NAALADL2: variants seen among roughly 807,000 people sequenced by gnomAD.
The protein encoded by NAALADL2 is inactive N-acetylated-alpha-linked acidic dipeptidase-like protein 2.
NAALADL2 carries 76 observed loss-of-function variants against 87.2 expected under a neutral mutation model. That is an observed-to-expected ratio of 0.87 (90% CI 0.72 to 1.05). The LOEUF (loss-of-function observed/expected upper bound fraction) is 1.05, where lower values mean the gene tolerates loss of function less well. Ranked by LOEUF, NAALADL2 falls within the 50% of genes least tolerant of loss-of-function variation. NAALADL2 has a pLI of 0.00. For synonymous variants in NAALADL2, 354 were observed against 331.0 expected, an observed-to-expected ratio of 1.07 and a Z score of -0.75; for missense variants, 1,089 against 945.8, an observed-to-expected ratio of 1.15 and a Z score of -1.99.
chr3:175,538,530 C>T (rs1050956806), intron 9 of NAALADL2, among the ~76,000 whole-genome samples: 1 of 152,076 alleles, frequency 6.6e-6, no homozygotes, highest in Non-Finnish European at 1.5e-5. Flanking sequence ...AACTTTCTTC[C>T]CAAACAAACA....
intron 2 of NAALADL2, among the ~76,000 whole-genome samples, chr3:174,616,045 G>C (rs1720428288): frequency 6.6e-6 from 1 of 151,872 alleles, no homozygotes; most frequent in African/African-American, 2.4e-5. Context: ...TAAATTCCCT[G>C]TGAATATAAG....
intron 2 of NAALADL2, among the ~76,000 whole-genome samples, chr3:175,160,637 C>T (rs1054459433): frequency 1.3e-5 from 2 of 151,810 alleles, no homozygotes; most frequent in Non-Finnish European, 2.9e-5. Flanking sequence ...CAGGCGTGAG[C>T]CACTGTGCCT....
Position 174,619,049 on chromosome 3 carries a change from A to G in NAALADL2, c.-115+68412A>G, listed in dbSNP as rs150172167. Among the ~76,000 whole-genome samples, 704 of 152,058 alleles carry G rather than the reference A, an allele frequency of 4.6e-3. 4 individuals carry two copies. Among genetic ancestry groups the G allele is most frequent in the African/African-American group, 0.014 (597 of 41,548 alleles). On this transcript the variant is annotated intron_variant, in intron 2 of 3. Coordinates refer to the NAALADL2 transcript ENST00000434257. The stretch of plus-strand genomic sequence containing the variant: ...TAATGCAGAGATGGTTCAAATTAAC[A>G]TCAACAAGTTACCTTTTTACATTGG...
At chr3:174,962,592 G>A (rs1742277068) in intron 1 of NAALADL2, among the ~76,000 whole-genome samples, 1 of 151,730 alleles carries the variant, frequency 6.6e-6, no homozygotes, top group South Asian at 2.1e-4. Context: ...AAAGGTGAAG[G>A]AGTGGGATGC....
intron 5 of NAALADL2, among the ~76,000 whole-genome samples, chr3:175,434,230 A>G (rs1330538030): frequency 6.6e-6 from 1 of 152,004 alleles, no homozygotes; most frequent in East Asian, 1.9e-4. Flanking sequence ...ATGAAAATGG[A>G]AAGATTTCTA....
intron 1 of NAALADL2, among the ~76,000 whole-genome samples, chr3:174,453,025 G>A (rs992962034): frequency 2.0e-5 from 3 of 152,068 alleles, no homozygotes; most frequent in Admixed American, 6.5e-5. Context: ...ATCCAAGAAA[G>A]CTAAGAATCA....
At chr3:174,828,003 C>T (rs1032093940) in intron 3 of NAALADL2, among the ~76,000 whole-genome samples, 11 of 151,976 alleles carry the variant, frequency 7.2e-5, no homozygotes, top group Admixed American at 2.0e-4. Flanking sequence ...GGTATCATAG[C>T]GAGATCCTGT....
At chr3:174,555,425 G>A (rs1455798414) in intron 2 of NAALADL2, among the ~76,000 whole-genome samples, 30 of 151,924 alleles carry the variant, frequency 2.0e-4, no homozygotes, top group Admixed American at 1.8e-3. Flanking sequence ...TCAGTCTCCC[G>A]AGTAGCCGGG....
rs545447225 is a variant in NAALADL2, at chr3:174,501,263, A to G, written c.-183-49306A>G. 1.4e-3 allele frequency among the ~76,000 whole-genome samples: 212 copies of G among 146,980 alleles called. 12 individuals carry two copies. The highest frequency in any genetic ancestry group is 5.6e-3 in the African/African-American group (205 of 36,840). ...CCGGCTAATTTTTTGTATTTTTAGT[A>G]GAGACGGGGTTTCACCGTTTTAGCC... is the stretch of plus-strand genomic sequence containing the variant. On this transcript the variant is annotated intron_variant, in intron 1 of 3. Transcript: ENST00000434257.
intron 1 of NAALADL2, among the ~76,000 whole-genome samples, chr3:174,944,265 C>G (rs1229016223): frequency 6.6e-6 from 1 of 152,130 alleles, no homozygotes; most frequent in East Asian, 1.9e-4. Context: ...CACCCAGTGA[C>G]AGGGAACAGG....
At chr3:175,745,694 G>A (rs1465361506) in intron 12 of NAALADL2, among the ~76,000 whole-genome samples, 1 of 152,100 alleles carries the variant, frequency 6.6e-6, no homozygotes, top group African/African-American at 2.4e-5. Flanking sequence ...AATGCATTTA[G>A]AATGCAATGG....
At chr3:174,866,353 A>G (rs1034042090) in intron 1 of NAALADL2, among the ~76,000 whole-genome samples, 3 of 151,902 alleles carry the variant, frequency 2.0e-5, no homozygotes, top group Non-Finnish European at 4.4e-5. Flanking sequence ...TGCACTATGC[A>G]GCCATATATT....
At chr3:175,094,980 A>G (rs1720874529) in intron 1 of NAALADL2, among the ~76,000 whole-genome samples, 1 of 152,022 alleles carries the variant, frequency 6.6e-6, no homozygotes, top group Non-Finnish European at 1.5e-5. Context: ...ACAACACTAC[A>G]AAGTTTATAT....
At chr3:175,372,545 T>C (rs1239657712) in intron 5 of NAALADL2, among the ~76,000 whole-genome samples, 2 of 152,254 alleles carry the variant, frequency 1.3e-5, no homozygotes, top group African/African-American at 4.8e-5. Flanking sequence ...ATAGTCATCA[T>C]TGTAATATTC....
intron 13 of NAALADL2, among the ~76,000 whole-genome samples, chr3:175,791,329 C>A (rs1752751571): frequency 6.6e-6 from 1 of 152,030 alleles, no homozygotes; most frequent in Non-Finnish European, 1.5e-5. Context: ...GGGTGAGTCC[C>A]CTGTGAGCTT....
At chr3:175,001,392 A>G (rs1490568969) in intron 1 of NAALADL2, among the ~76,000 whole-genome samples, 1 of 152,106 alleles carries the variant, frequency 6.6e-6, no homozygotes, top group Non-Finnish European at 1.5e-5. Flanking sequence ...ATTTTAATAT[A>G]ATTTCCCAGG....
At chr3:174,698,697 T>C (rs1398501138) in intron 2 of NAALADL2, among the ~76,000 whole-genome samples, 2 of 130,860 alleles carry the variant, frequency 1.5e-5, no homozygotes, top group East Asian at 6.1e-4. Context: ...ACCCCGTCTC[T>C]ACTAAAAATA....
At chr3:175,533,854 T>C (rs1173644205) in intron 9 of NAALADL2, among the ~76,000 whole-genome samples, 1 of 152,100 alleles carries the variant, frequency 6.6e-6, no homozygotes, top group African/African-American at 2.4e-5. Flanking sequence ...AGCCAGGAGT[T>C]AGAATTCCTG....
At chr3:174,965,279 A>G (rs564206017) in intron 1 of NAALADL2, among the ~76,000 whole-genome samples, 51 of 152,270 alleles carry the variant, frequency 3.3e-4, no homozygotes, top group Admixed American at 7.2e-4. Context: ...ACAGGGAAGC[A>G]GCTTTTCCTA....
Sources: gnomAD v4.1 joint callset for allele counts (sites outside exome capture counted in the v4.1 genomes callset) on GRCh38, gnomAD v4.1.1 for gene constraint, MANE v1.5 for transcripts, NCBI Gene and HGNC (gene_info 2026-07-23, HGNC 2026-07-21) for gene names.